Variants in NBAS observed in about 807,000 individuals in gnomAD.
NBAS encodes the protein NBAS subunit of NRZ tethering complex.
A neutral mutation model predicts 302.5 loss-of-function variants in NBAS; 219 were observed. That is an observed-to-expected ratio of 0.72 (90% CI 0.65 to 0.81). The LOEUF (loss-of-function observed/expected upper bound fraction) is 0.81, where lower values mean the gene tolerates loss of function less well. Among genes scored for constraint, NBAS ranks in the 30% least tolerant of loss-of-function variants. The pLI is 0.00. For missense variants in NBAS, 2,932 were observed against 2,841.6 expected, an observed-to-expected ratio of 1.03 and a Z score of -0.72; for synonymous variants, 1,118 against 1,021.6, an observed-to-expected ratio of 1.09 and a Z score of -1.80.
At chr2:14,779,186 A>C in the NBAS span, among the ~76,000 whole-genome samples, 2 of 152,202 alleles carry the variant, frequency 1.3e-5, no homozygotes, top group Non-Finnish European at 2.9e-5. Context: ...GGCATCTTCC[A>C]GACAGAGGCA....
the NBAS span, among the ~76,000 whole-genome samples, chr2:14,800,089 T>C: frequency 5.9e-5 from 9 of 152,240 alleles, no homozygotes; most frequent in African/African-American, 2.2e-4. Context: ...TCTTCCACCA[T>C]GGTATTTGAT....
chr2:14,977,804 G>A, the NBAS span, among the ~76,000 whole-genome samples: 1 of 152,056 alleles, frequency 6.6e-6, no homozygotes, highest in African/African-American at 2.4e-5. Context: ...ATTAAATGAT[G>A]CTCTCCTCTC....
intron 11 of NBAS, among the ~76,000 whole-genome samples, chr2:15,492,453 C>T (rs949408567): frequency 1.3e-5 from 2 of 151,852 alleles, no homozygotes; most frequent in African/African-American, 4.8e-5. Context: ...TTGTAGAAAC[C>T]TTTATGTATT....
intron 33 of NBAS, among the ~76,000 whole-genome samples, chr2:15,355,880 G>T (rs575742725): frequency 2.3e-4 from 35 of 151,952 alleles, no homozygotes; most frequent in African/African-American, 8.4e-4. Context: ...CCAGTCTCAG[G>T]TATTTCTTTA....
At chr2:15,199,594 C>T (rs1462900366) in intron 48 of NBAS, among the ~76,000 whole-genome samples, 1 of 152,016 alleles carries the variant, frequency 6.6e-6, no homozygotes, top group African/African-American at 2.4e-5. Flanking sequence ...TATCTCACTA[C>T]AGGAATTATA....
the NBAS span, among the ~76,000 whole-genome samples, chr2:14,818,003 CTTTCCACCCACTGCTT>C: frequency 6.6e-6 from 1 of 152,220 alleles, no homozygotes; most frequent in Non-Finnish European, 1.5e-5. Context: ...TCATACTGTT[CTTTCCACCCACTGCTT>C]TTCCCACCCA....
the NBAS span, among the ~76,000 whole-genome samples, chr2:15,055,684 T>C: frequency 6.6e-6 from 1 of 152,114 alleles, no homozygotes; most frequent in Admixed American, 6.5e-5. Flanking sequence ...GCACGGTCTA[T>C]GGCAAGGATG....
chr2:15,087,195 G>A, the NBAS span, among the ~76,000 whole-genome samples: 2 of 145,212 alleles, frequency 1.4e-5, no homozygotes, highest in African/African-American at 5.4e-5. Flanking sequence ...CATATCATGT[G>A]GGCCAATTCC....
chr2:15,033,215 C>G, the NBAS span, among the ~76,000 whole-genome samples: 2 of 152,180 alleles, frequency 1.3e-5, no homozygotes, highest in Admixed American at 6.5e-5. Flanking sequence ...ACTTGGGACC[C>G]TTTACTCCTT....
At chr2:14,787,316 T>C in the NBAS span, among the ~76,000 whole-genome samples, 3 of 152,184 alleles carry the variant, frequency 2.0e-5, no homozygotes, top group African/African-American at 4.8e-5. Flanking sequence ...ATTTAGTCCA[T>C]TTACATTTAA....
chr2:15,160,153 T>C, the NBAS span, among the ~76,000 whole-genome samples: 22 of 152,070 alleles, frequency 1.4e-4, no homozygotes, highest in African/African-American at 5.1e-4. Context: ...GAGTTCTGCT[T>C]TAAAAAGATG....
chr2:14,902,104 AT>A, the NBAS span, among the ~76,000 whole-genome samples: 185 of 152,272 alleles, frequency 1.2e-3, no homozygotes, highest in African/African-American at 4.4e-3. Flanking sequence ...TATAGCAATC[AT>A]CCCTTTTTCC....
At chr2:15,559,428 C>G (rs1664806654) in intron 1 of NBAS, among the ~76,000 whole-genome samples, 1 of 152,190 alleles carries the variant, frequency 6.6e-6, no homozygotes, top group South Asian at 2.1e-4. Flanking sequence ...TAAGTATAGA[C>G]TGAACACACC....
chr2:15,560,857 C>A (rs1664877131), intron 1 of NBAS, among the ~76,000 whole-genome samples: 1 of 152,096 alleles, frequency 6.6e-6, no homozygotes, highest in South Asian at 2.1e-4. Flanking sequence ...CCTTCCCCTC[C>A]TAATACAGAG....
intron 32 of NBAS, among the ~76,000 whole-genome samples, chr2:15,358,073 C>T (rs796709382): frequency 2.0e-5 from 3 of 152,226 alleles, no homozygotes; most frequent in African/African-American, 7.2e-5. Flanking sequence ...GATCTGCGGC[C>T]TGTTGCTACC....
At chr2:15,330,465 G>A (rs1672275913) in intron 36 of NBAS, 133 bp downstream of exon 36, 1 of 1,140,934 alleles carries the variant, frequency 8.8e-7, no homozygotes, top group Middle Eastern at 2.0e-4. Flanking sequence ...CTGATGAGAG[G>A]CCTACATTTC....
intron 44 of NBAS, among the ~76,000 whole-genome samples, chr2:15,258,942 C>T (rs538287807): frequency 1.3e-5 from 2 of 152,180 alleles, no homozygotes; most frequent in South Asian, 2.1e-4. Context: ...AAGGACCTAC[C>T]GATATGTGAT....
chr2:15,535,747 G>T (rs1163240041), intron 8 of NBAS, among the ~76,000 whole-genome samples: 1 of 152,058 alleles, frequency 6.6e-6, no homozygotes, highest in Non-Finnish European at 1.5e-5. Context: ...GTTCAATACA[G>T]ACACAATTTT....
intron 38 of NBAS, among the ~76,000 whole-genome samples, chr2:15,310,040 T>C (rs933063800): frequency 1.3e-5 from 2 of 152,244 alleles, no homozygotes; most frequent in Admixed American, 1.3e-4. Flanking sequence ...ATGAAGGGGA[T>C]AGTATACGAA....
Sources: allele counts gnomAD v4.1 joint callset (sites outside exome capture counted in the v4.1 genomes callset), GRCh38; gene constraint gnomAD v4.1.1; transcripts MANE v1.5; gene names NCBI Gene and HGNC (gene_info 2026-07-23, HGNC 2026-07-21).